OR51B2: variants seen among roughly 807,000 people sequenced by gnomAD.
The protein encoded by OR51B2 is olfactory receptor family 51 subfamily B member 2.
For missense variants in OR51B2, 463 were observed against 380.1 expected (o/e 1.22, Z -1.81); for synonymous variants, 158 against 135.3 (o/e 1.17, Z -1.16).
In OR51B2 at chr11:5,324,147, G is replaced by A. The variant is rs769521745; in HGVS notation, c.151C>T (p.His51Tyr). ...TAGTACATGGGCTCATGAAGACTGT[G>A]GTCATGCTTGATGAGGTAGAGGAGC... ...GMLLYLIKHD[H>Y]SLHEPMYYFL... Residue 51 changes from histidine (H) to tyrosine (Y), a missense_variant, in exon 1 of 1, where the codon CAC becomes TAC. His to Tyr is a moderately conservative substitution (Grantham distance 83). Coordinates refer to ENST00000624187, the MANE Select transcript of OR51B2 (RefSeq NM_033180.5). 2.5e-5 allele frequency: 40 copies of A among 1,613,864 alleles called. No homozygotes were observed. The highest frequency in any genetic ancestry group is 3.1e-5 in the Non-Finnish European group (37 of 1,179,946).
chr11:5,323,394 T>A lies in OR51B2; in HGVS notation c.904A>T (p.Ile302Phe), dbSNP rs755545584. The A allele has an allele frequency of 5.0e-6, 8 of 1,613,092 alleles. No individual in the cohort carries two copies. The East Asian group carries it at 1.8e-4, about 36-fold the overall frequency. The change falls in exon 1 of 1, where the codon ATC (isoleucine) becomes TTC (phenylalanine). Residue 302 changes from isoleucine to phenylalanine, a missense_variant. Physicochemically the swap from Ile to Phe is conservative, Grantham distance 21. Coordinates refer to ENST00000624187, the MANE Select transcript of OR51B2 (RefSeq NM_033180.5). Reference protein sequence around the residue: ...IKTKQIQYGIIRLLSKHRFSS With the variant: ...IKTKQIQYGIFRLLSKHRFSS ...AACCTATGTTTAGATAAAAGGCGGA[T>A]AATGCCATATTGTATTTGCTTGGTT...
rs1427472820 is a variant in OR51B2, at chr11:5,324,132, G to A, written c.166C>T (p.Pro56Ser). ...LIKHDHSLHE[P>S]MYYFLTMLAG... ...AGCATGGTGAGGAAGTAGTACATGG[G>A]CTCATGAAGACTGTGGTCATGCTTG... The change falls in exon 1 of 1, where the codon CCC (proline) becomes TCC (serine). Residue 56 changes from proline to serine, a missense_variant. By Grantham distance (74) the Pro-to-Ser change is moderately conservative (BLOSUM62 -1). Transcript: ENST00000624187. The A allele has an allele frequency of 1.9e-6, 3 of 1,613,876 alleles. No individual in the cohort carries two copies. Among genetic ancestry groups the A allele is most frequent in the Non-Finnish European group, 2.5e-6 (3 of 1,179,952 alleles).
In OR51B2 at chr11:5,323,676, C is replaced by T; in HGVS notation, c.622G>A (p.Asp208Asn). The T allele has an allele frequency of 6.2e-7, 1 of 1,612,266 alleles. No individual in the cohort carries two copies. Reference protein sequence around the residue: ...VILISLTIFLDCLIILFSYIL... With the variant: ...VILISLTIFLNCLIILFSYIL... Reference sequence around the variant, plus strand: ...TAGGAGAAGAGGATGATCAGACAGTCTAGGAAGATTGTTAAAGAGATCAAA... The same window carrying T: ...TAGGAGAAGAGGATGATCAGACAGTTTAGGAAGATTGTTAAAGAGATCAAA... The change falls in exon 1 of 1, where the codon GAC (aspartate) becomes AAC (asparagine). Residue 208 changes from aspartate to asparagine, a missense_variant. Transcript: ENST00000624187.
chr11:5,324,233 T>A lies in OR51B2; in HGVS notation c.65A>T (p.His22Leu). The change falls in exon 1 of 1, where the codon CAT becomes CTT. Residue 22 changes from histidine (H) to leucine (L), a missense_variant. Transcript: ENST00000624187. ...LTGFPGLEAA[H>L]HWISIPFFAV... is the part of the protein sequence containing the mutation. ...AAAGAAGGGGATGGAGATCCAGTGA[T>A]GAGCTGCCTCCAGCCCTGGAAAGCC... is the stretch of plus-strand genomic sequence containing the variant. 6.2e-7 allele frequency: 1 copy of A among 1,613,876 alleles called. No homozygotes were observed. The highest frequency in any genetic ancestry group is 8.5e-7 in the Non-Finnish European group (1 of 1,179,800).
chr11:5,323,536 C>T lies in OR51B2; in HGVS notation c.762G>A (p.Met254Ile). 6.2e-7 allele frequency: 1 copy of T among 1,613,700 alleles called. No individual in the cohort carries two copies. The highest frequency in any genetic ancestry group is 1.3e-5 in the African/African-American group (1 of 75,014). ...SCVLIFYVTVMGLTFIYRFGK... is the reference protein window; with the variant it reads ...SCVLIFYVTVIGLTFIYRFGK... ...CAAATCTGTAAATGAATGTCAAACC[C>T]ATCACTGTAACATAGAAGATAAGAA... Residue 254 changes from methionine (M) to isoleucine (I), a missense_variant, in exon 1 of 1, where the codon ATG becomes ATA. Met to Ile is a conservative substitution (Grantham distance 10). Coordinates refer to ENST00000624187, the MANE Select transcript of OR51B2 (RefSeq NM_033180.5).
chr11:5,324,087 C>A lies in OR51B2; in HGVS notation c.211G>T (p.Val71Leu). ...ACAGTAGGCATCGTGGTCAATGTCA[C>A]CATGAGGTCTGTGCCTGCCAGCATG... ...LTMLAGTDLM[V>L]TLTTMPTVMG... is the part of the protein sequence containing the mutation. The change falls in exon 1 of 1, where the codon GTG becomes TTG. Residue 71 changes from valine (V) to leucine (L), a missense_variant. Physicochemically the swap from Val to Leu is conservative, Grantham distance 32 (BLOSUM62 1). Coordinates refer to ENST00000624187, the MANE Select transcript of OR51B2 (RefSeq NM_033180.5). 1 of 1,613,850 alleles carries A rather than the reference C, an allele frequency of 6.2e-7. No individual in the cohort carries two copies. Among genetic ancestry groups the A allele is most frequent in the East Asian group, 2.2e-5 (1 of 44,868 alleles).
chr11:5,324,265 C>T lies in OR51B2; in HGVS notation c.33G>A (p.Leu11=), dbSNP rs1335890179. 1.2e-6 allele frequency: 2 copies of T among 1,604,120 alleles called. No homozygotes were observed. Among genetic ancestry groups the T allele is most frequent in the Non-Finnish European group, 1.7e-6 (2 of 1,176,902 alleles). MWPNITAAPF[L]LTGFPGLEAA... is the part of the protein sequence containing the mutation. The stretch of plus-strand genomic sequence containing the variant: ...CCTCCAGCCCTGGAAAGCCAGTCAG[C>T]AAAAAAGGGGCTGCAGTAATATTGG... Residue 11 remains leucine (L), a synonymous_variant, in exon 1 of 1, where the codon TTG becomes TTA. Coordinates refer to ENST00000624187, the MANE Select transcript of OR51B2 (RefSeq NM_033180.5).
chr11:5,323,424 T>G lies in OR51B2; in HGVS notation c.874A>C (p.Ile292Leu), dbSNP rs374445348. ...PPLMNPVIYSIKTKQIQYGII... is the reference protein window; with the variant it reads ...PPLMNPVIYSLKTKQIQYGII... ...CCATATTGTATTTGCTTGGTTTTGATGCTGTAGATGACAGGGTTCATTAAA... is the reference window on the plus strand; with the variant it reads ...CCATATTGTATTTGCTTGGTTTTGAGGCTGTAGATGACAGGGTTCATTAAA... Residue 292 changes from isoleucine to leucine, a missense_variant, in exon 1 of 1, where the codon ATC (isoleucine) becomes CTC (leucine). Physicochemically the swap from Ile to Leu is conservative, Grantham distance 5. Coordinates refer to ENST00000624187, the MANE Select transcript of OR51B2 (RefSeq NM_033180.5). 1.2e-6 allele frequency: 2 copies of G among 1,613,828 alleles called. No homozygotes were observed. The highest frequency in any genetic ancestry group is 2.2e-5 in the East Asian group (1 of 44,868).
rs1396950900 is a variant in OR51B2, at chr11:5,323,775, C to T, written c.523G>A (p.Ala175Thr). The T allele has an allele frequency of 6.2e-7, 1 of 1,613,442 alleles. No individual in the cohort carries two copies. The highest frequency in any genetic ancestry group is 1.1e-5 in the South Asian group (1 of 91,036). ...SYCKSHVITRAFCLHQEIMRL... is the reference protein window; with the variant it reads ...SYCKSHVITRTFCLHQEIMRL... ...ATGATTTCTTGGTGGAGGCAGAAAG[C>T]ACGTGTGATAACATGAGATTTGCAA... Residue 175 changes from alanine to threonine, a missense_variant, in exon 1 of 1, where the codon GCT (alanine) becomes ACT (threonine). Physicochemically the swap from Ala to Thr is moderately conservative, Grantham distance 58. Transcript: ENST00000624187.
chr11:5,323,556 T>C lies in OR51B2; in HGVS notation c.742A>G (p.Ile248Val), dbSNP rs746828991. The change falls in exon 1 of 1, where the codon ATC becomes GTC. Residue 248 changes from isoleucine to valine, a missense_variant. Transcript: ENST00000624187. ...TCISHISCVL[I>V]FYVTVMGLTF... is the part of the protein sequence containing the mutation. ...AAACCCATCACTGTAACATAGAAGATAAGAACACAACTAATGTGGGAGATA... is the reference window on the plus strand; with the variant it reads ...AAACCCATCACTGTAACATAGAAGACAAGAACACAACTAATGTGGGAGATA... 1 of 1,613,674 alleles carries C rather than the reference T, an allele frequency of 6.2e-7. No individual in the cohort carries two copies. The highest frequency in any genetic ancestry group is 1.1e-5 in the South Asian group (1 of 91,068).
chr11:5,323,728 T>A lies in OR51B2; in HGVS notation c.570A>T (p.Ile190=). 1.2e-6 allele frequency: 2 copies of A among 1,613,530 alleles called. No individual in the cohort carries two copies. The highest frequency in any genetic ancestry group is 1.7e-5 in the Admixed American group (1 of 59,944). Reference sequence around the variant, plus strand: ...TTACAGGGTAAAGTCTATTGAAAGTTATGTCAGCACAAGCCAGTCTCATGA... The same window carrying A: ...TTACAGGGTAAAGTCTATTGAAAGTAATGTCAGCACAAGCCAGTCTCATGA... The part of the protein sequence containing the change: ...QEIMRLACAD[I]TFNRLYPVIL... Residue 190 remains isoleucine (I), a synonymous_variant, in exon 1 of 1, where the codon ATA becomes ATT. Coordinates refer to ENST00000624187, the MANE Select transcript of OR51B2 (RefSeq NM_033180.5).
Position 5,324,233 on chromosome 11 carries a change from T to C in OR51B2, c.65A>G (p.His22Arg). The stretch of plus-strand genomic sequence containing the variant: ...AAAGAAGGGGATGGAGATCCAGTGA[T>C]GAGCTGCCTCCAGCCCTGGAAAGCC... ...LTGFPGLEAA[H>R]HWISIPFFAV... Residue 22 changes from histidine to arginine, a missense_variant, in exon 1 of 1, where the codon CAT becomes CGT. Coordinates refer to ENST00000624187, the MANE Select transcript of OR51B2 (RefSeq NM_033180.5). 1 of 1,613,876 alleles carries C rather than the reference T, an allele frequency of 6.2e-7. No homozygotes were observed. Among genetic ancestry groups the C allele is most frequent in the Non-Finnish European group, 8.5e-7 (1 of 1,179,800 alleles).
At position 5,323,680 on chromosome 11, in the gene OR51B2, G is replaced by C. The variant is rs1327797722; in HGVS notation, c.618C>G (p.Phe206Leu). The C allele has an allele frequency of 1.3e-5, 21 of 1,612,850 alleles. 1 individual carries two copies. The highest frequency in any genetic ancestry group is 6.7e-5 in the East Asian group (3 of 44,836). The change falls in exon 1 of 1, where the codon TTC (phenylalanine) becomes TTG (leucine). Residue 206 changes from phenylalanine to leucine, a missense_variant. By Grantham distance (22) the Phe-to-Leu change is conservative. Transcript: ENST00000624187. Reference protein sequence around the residue: ...YPVILISLTIFLDCLIILFSY... With the variant: ...YPVILISLTILLDCLIILFSY... ...AGAAGAGGATGATCAGACAGTCTAG[G>C]AAGATTGTTAAAGAGATCAAAATTA...
rs769840203 is a variant in OR51B2, at chr11:5,323,573, T to G, written c.725A>C (p.His242Pro). ...ATAGAAGATAAGAACACAACTAATG[T>G]GGGAGATACAGGTATTGAGGGCTTT... ...RAKALNTCIS[H>P]ISCVLIFYVT... The change falls in exon 1 of 1, where the codon CAC becomes CCC. Residue 242 changes from histidine to proline, a missense_variant. Physicochemically the swap from His to Pro is moderately conservative, Grantham distance 77. Transcript: ENST00000624187. 2.3e-5 allele frequency: 37 copies of G among 1,613,142 alleles called. No homozygotes were observed. The highest frequency in any genetic ancestry group is 3.0e-5 in the Non-Finnish European group (35 of 1,179,338).
rs770237512 is a variant in OR51B2, at chr11:5,323,876, G to T, written c.422C>A (p.Ala141Glu). 1 of 1,613,852 alleles carries T rather than the reference G, an allele frequency of 6.2e-7. No individual in the cohort carries two copies. Among genetic ancestry groups the T allele is most frequent in the South Asian group, 1.1e-5 (1 of 91,054 alleles). Residue 141 changes from alanine to glutamate, a missense_variant, in exon 1 of 1, where the codon GCG (alanine) becomes GAG (glutamate). Physicochemically the swap from Ala to Glu is moderately radical, Grantham distance 107 (BLOSUM62 -1). Transcript: ENST00000624187. ...ASILTNTRVI[A>E]LGVGVFLRGF... Reference sequence around the variant, plus strand: ...CCTTAGAAACACTCCCACTCCTAACGCTATGACTCTAGTATTGGTGAGAAT... The same window carrying T: ...CCTTAGAAACACTCCCACTCCTAACTCTATGACTCTAGTATTGGTGAGAAT...
In OR51B2 at chr11:5,323,494, C is replaced by G. The variant is rs746875069; in HGVS notation, c.804G>C (p.Glu268Asp). The G allele has an allele frequency of 1.7e-5, 28 of 1,613,398 alleles. No homozygotes were observed. The South Asian group carries it at 3.1e-4, about 18-fold the overall frequency. ...TGTAACTCATGATAATGTGGACAAC[C>G]TCTGGCACATTCTTCCCAAATCTGT... ...FIYRFGKNVPEVVHIIMSYIY... is the reference protein window; with the variant it reads ...FIYRFGKNVPDVVHIIMSYIY... The change falls in exon 1 of 1, where the codon GAG becomes GAC. Residue 268 changes from glutamate (E) to aspartate (D), a missense_variant. Coordinates refer to ENST00000624187, the MANE Select transcript of OR51B2 (RefSeq NM_033180.5).
chr11:5,323,466 A>G lies in OR51B2; in HGVS notation c.832T>C (p.Tyr278His), dbSNP rs750698304. ...EVVHIIMSYI[Y>H]FLFPPLMNPV... ...TTCATTAAAGGAGGAAAGAGGAAGT[A>G]GATGTAACTCATGATAATGTGGACA... The change falls in exon 1 of 1, where the codon TAC (tyrosine) becomes CAC (histidine). Residue 278 changes from tyrosine to histidine, a missense_variant. Tyr to His is a moderately conservative substitution (Grantham distance 83). Coordinates refer to ENST00000624187, the MANE Select transcript of OR51B2 (RefSeq NM_033180.5). 1.2e-6 allele frequency: 2 copies of G among 1,613,290 alleles called. No individual in the cohort carries two copies. Among genetic ancestry groups the G allele is most frequent in the African/African-American group, 2.7e-5 (2 of 74,916 alleles).
rs4910750 is a variant in OR51B2 at position 5,324,256 on chromosome 11, G to A, written c.42C>T (p.Gly14=). The A allele has an allele frequency of 0.88, 1,421,012 of 1,612,880 alleles. 631,021 individuals are homozygous for A. Among genetic ancestry groups the A allele is most frequent in the Middle Eastern group, 0.92 (5,551 of 6,052 alleles). The stretch of plus-strand genomic sequence containing the variant: ...GATGAGCTGCCTCCAGCCCTGGAAA[G>A]CCAGTCAGCAAAAAAGGGGCTGCAG... ...NITAAPFLLT[G]FPGLEAAHHW... is the part of the protein sequence containing the mutation. The change falls in exon 1 of 1, where the codon GGC becomes GGT. Residue 14 remains glycine (G), a synonymous_variant. Coordinates refer to ENST00000624187, the MANE Select transcript of OR51B2 (RefSeq NM_033180.5).
chr11:5,323,509 C>G lies in OR51B2; in HGVS notation c.789G>C (p.Gly263=), dbSNP rs140495971. 308 of 1,613,606 alleles carry G rather than the reference C, an allele frequency of 1.9e-4. 2 individuals are homozygous for G. In the East Asian group the frequency reaches 6.8e-3, roughly 36 times the overall value. Residue 263 remains glycine, a synonymous_variant, in exon 1 of 1, where the codon GGG becomes GGC. Coordinates refer to ENST00000624187, the MANE Select transcript of OR51B2 (RefSeq NM_033180.5). The part of the protein sequence containing the change: ...VMGLTFIYRF[G]KNVPEVVHII... ...TGTGGACAACCTCTGGCACATTCTT[C>G]CCAAATCTGTAAATGAATGTCAAAC... is the stretch of plus-strand genomic sequence containing the variant.
Sources: gnomAD v4.1 joint callset for allele counts on GRCh38, gnomAD v4.1.1 for gene constraint, MANE v1.5 for transcripts, NCBI Gene and HGNC (gene_info 2026-07-23, HGNC 2026-07-21) for gene names.